The following FARP2 variants were observed in gnomAD, a reference collection of about 807,000 sequenced individuals.
The protein encoded by FARP2 is FERM, ARHGEF and pleckstrin domain-containing protein 2.
Under a neutral mutation model 130.5 loss-of-function variants are expected in FARP2, and 111 were observed. That is an observed-to-expected ratio of 0.85 (90% CI 0.73 to 1.00). FARP2 has a LOEUF of 1.00. Ranked by LOEUF, FARP2 falls within the 50% of genes least tolerant of loss-of-function variation. The pLI, the probability that FARP2 is intolerant of heterozygous loss-of-function variation, is 0.00. For synonymous variants in FARP2, 504 were observed against 516.9 expected (o/e 0.98, Z 0.34); for missense variants, 1,385 against 1,346.3 (o/e 1.03, Z -0.45).
intron 12 of FARP2, among the ~76,000 whole-genome samples, chr2:241,440,414 C>T (rs2063352869): frequency 6.6e-6 from 1 of 152,150 alleles, no homozygotes; most frequent in South Asian, 2.1e-4. Context: ...TGTGTTAGGG[C>T]ACCTATGGAG....
At chr2:241,474,076 G>A (rs1178630502) in intron 18 of FARP2, among the ~76,000 whole-genome samples, 1 of 152,040 alleles carries the variant, frequency 6.6e-6, no homozygotes, top group Non-Finnish European at 1.5e-5. Context: ...GGAGGCCGAG[G>A]CTGGCAGATC....
intron 20 of FARP2, 187 bp downstream of exon 20, chr2:241,483,720 G>A: frequency 2.3e-6 from 2 of 877,130 alleles, no homozygotes; most frequent in Non-Finnish European, 2.7e-6. Flanking sequence ...GGAAGAAGCA[G>A]AAAACAGCTT....
At chr2:241,463,626 C>A in intron 16 of FARP2, 158 bp downstream of exon 16, 1 of 798,738 alleles carries the variant, frequency 1.3e-6, no homozygotes, top group Non-Finnish European at 2.0e-6. Flanking sequence ...TGTAATAATA[C>A]CCTTTATTCA....
At chr2:241,453,479 AGGCATGGTGGTGGGAG>A (rs1434198303) in intron 13 of FARP2, among the ~76,000 whole-genome samples, 2 of 144,794 alleles carry the variant, frequency 1.4e-5, no homozygotes, top group Admixed American at 6.9e-5. Flanking sequence ...AAAATTAGCC[AGGCATGGTGGTGGGAG>A]CCTGTAGTCC....
In FARP2 at chr2:241,404,783, G is replaced by C. The variant is rs1158664512; in HGVS notation, c.289-16G>C. 6.3e-7 allele frequency: 1 copy of C among 1,585,416 alleles called. No individual in the cohort carries two copies. Among genetic ancestry groups the C allele is most frequent in the African/African-American group, 1.3e-5 (1 of 74,270 alleles). ...TTATTTAATAGATTGGATTTCTTCT[G>C]TTAACTCTTCTTTAGATTTGGCTTG... is the stretch of plus-strand genomic sequence containing the variant. On this transcript the variant is annotated splice_polypyrimidine_tract_variant and intron_variant, in intron 3 of 26. Coordinates refer to ENST00000264042, the MANE Select transcript of FARP2 (RefSeq NM_014808.4).
At chr2:241,376,221 G>A (rs3771551) in intron 2 of FARP2, among the ~76,000 whole-genome samples, 13,571 of 152,156 alleles carry the variant, frequency 0.089, 620 homozygotes, top group Middle Eastern at 0.15. Context: ...TCACAGAAAC[G>A]TTCTCAGTCC....
chr2:241,465,561 T>A (rs1393747036), intron 17 of FARP2: 1 of 1,550,436 alleles, frequency 6.4e-7, no homozygotes, highest in Admixed American at 2.0e-5. Flanking sequence ...TTCTCTTCAA[T>A]AGGAGCAACG....
intron 4 of FARP2, among the ~76,000 whole-genome samples, chr2:241,406,298 A>T (rs1175073823): frequency 1.3e-5 from 2 of 151,768 alleles, no homozygotes; most frequent in Admixed American, 1.3e-4. Context: ...ACAGAGAGAG[A>T]CTCTGTCTCA....
At chr2:241,437,905 T>C (rs1053637709) in intron 12 of FARP2, among the ~76,000 whole-genome samples, 2 of 152,100 alleles carry the variant, frequency 1.3e-5, no homozygotes, top group African/African-American at 4.8e-5. Flanking sequence ...GACCTCATGA[T>C]CTGCCCGCCT....
intron 1 of FARP2, among the ~76,000 whole-genome samples, chr2:241,363,622 A>G (rs1269430689): frequency 1.3e-5 from 2 of 152,268 alleles, no homozygotes; most frequent in East Asian, 1.9e-4. Flanking sequence ...GCTATGGGAT[A>G]GACCATCGCC....
At position 241,404,846 on chromosome 2, in the gene FARP2, G is replaced by A. The variant is rs1400756901; in HGVS notation, c.331+5G>A. Reference sequence around the variant, plus strand: ...CCATCATTAGGCAAATACGAAGTAAGTCCTTGGTTTGACTCTTTAAAATCT... The same window carrying A: ...CCATCATTAGGCAAATACGAAGTAAATCCTTGGTTTGACTCTTTAAAATCT... On this transcript the variant is annotated splice_donor_5th_base_variant and intron_variant, in intron 4 of 26. Transcript: ENST00000264042. The A allele has an allele frequency of 1.2e-6, 2 of 1,606,486 alleles. No homozygotes were observed. The highest frequency in any genetic ancestry group is 1.7e-6 in the Non-Finnish European group (2 of 1,173,504).
intron 22 of FARP2, among the ~76,000 whole-genome samples, chr2:241,490,402 G>A (rs1199026999): frequency 3.3e-5 from 5 of 152,108 alleles, no homozygotes; most frequent in Non-Finnish European, 7.4e-5. Context: ...GTCAAGAAGT[G>A]CCAGCAGCTA....
intron 1 of FARP2, among the ~76,000 whole-genome samples, chr2:241,363,369 G>GCTCAGTCCCAGGCAA (rs1435243672): frequency 1.3e-5 from 2 of 152,324 alleles, no homozygotes; most frequent in East Asian, 3.9e-4. Context: ...CCCTCCTGCA[G>GCTCAGTCCCAGGCAA]CTCAGTCCCA....
At chr2:241,458,706 G>A (rs1450805650) in intron 14 of FARP2, among the ~76,000 whole-genome samples, 1 of 152,146 alleles carries the variant, frequency 6.6e-6, no homozygotes, top group Non-Finnish European at 1.5e-5. Context: ...CTACCAAGCA[G>A]TCTGTTATTA....
chr2:241,387,813 A>G (rs528199381), intron 2 of FARP2, among the ~76,000 whole-genome samples: 1 of 151,946 alleles, frequency 6.6e-6, no homozygotes, highest in African/African-American at 2.4e-5. Flanking sequence ...AAAAAAAGAA[A>G]ATTGTTTTAT....
At chr2:241,462,438 C>A in intron 14 of FARP2, 85 bp from the exon 15 acceptor site, 4 of 901,956 alleles carry the variant, frequency 4.4e-6, no homozygotes, top group Non-Finnish European at 3.7e-6. Flanking sequence ...CAGAAGAAAG[C>A]AAACATTACC....
chr2:241,493,588 C>A, intron 26 of FARP2, 144 bp downstream of exon 26: 2 of 679,910 alleles, frequency 2.9e-6, no homozygotes, highest in Non-Finnish European at 4.9e-6. Context: ...CAAAAAACAG[C>A]AATGCTTTGT....
At chr2:241,424,678 G>GA (rs2150383516) in intron 8 of FARP2, among the ~76,000 whole-genome samples, 1 of 151,120 alleles carries the variant, frequency 6.6e-6, no homozygotes, top group East Asian at 2.0e-4. Flanking sequence ...CTGGTTTTTT[G>GA]AAAAAATTAA....
rs776644823 is a variant in FARP2, at chr2:241,413,305, A to G, written c.509-2A>G. The G allele has an allele frequency of 6.3e-7, 1 of 1,586,478 alleles. No homozygotes were observed. On this transcript the variant is annotated splice_acceptor_variant, in intron 6 of 26. Transcript: ENST00000264042. LOFTEE classifies it high-confidence loss of function. ...TAGTTACTTACTTTTAACCTATCTC[A>G]GCGGAAATAGGAGATTACGATGAAA...
Sources: allele counts gnomAD v4.1 joint callset (sites outside exome capture counted in the v4.1 genomes callset), GRCh38; gene constraint gnomAD v4.1.1; transcripts MANE v1.5; gene names NCBI Gene and HGNC (gene_info 2026-07-23, HGNC 2026-07-21).